SLC26A5: variants seen among roughly 807,000 people sequenced by gnomAD.
SLC26A5 encodes the protein prestin.
Under a neutral mutation model 81.0 loss-of-function variants are expected in SLC26A5, and 51 were observed. The observed-to-expected ratio is 0.63, with a 90% CI of 0.50 to 0.80. The LOEUF is 0.80. SLC26A5 is among the 30% of genes least tolerant of loss of function. The pLI is 0.00. For synonymous variants in SLC26A5, 325 were observed against 332.8 expected (o/e 0.98, Z 0.25); for missense variants, 771 against 905.8 (o/e 0.85, Z 1.91).
intron 14 of SLC26A5, among the ~76,000 whole-genome samples, chr7:103,386,941 T>G (rs909094552): frequency 6.6e-6 from 1 of 152,044 alleles, no homozygotes; most frequent in Non-Finnish European, 1.5e-5. Context: ...TTTGTAATTT[T>G]AGTAGAGATG....
intron 2 of SLC26A5, among the ~76,000 whole-genome samples, chr7:103,434,479 G>A (rs576756160): frequency 1.7e-3 from 260 of 151,978 alleles, no homozygotes; most frequent in African/African-American, 6.0e-3. Context: ...CTCAACTACA[G>A]GAACTTTTTT....
At position 103,376,685 on chromosome 7, in the gene SLC26A5, CAGA is replaced by C. The variant is rs66928926; in HGVS notation, c.2041+120_2041+122del. 0.059 allele frequency: 45,662 copies of C among 779,124 alleles called. 2,881 individuals carry two copies. The highest frequency in any genetic ancestry group is 0.28 in the African/African-American group (15,541 of 56,226). 48.3% of individuals were successfully genotyped at this position (779,124 alleles called of 1,614,324 possible). A position where few individuals can be genotyped will look rare whatever the true frequency, so the allele number is the denominator to read the frequency against. ...CAAAGCTGGCTTTAGAGTGATTTTT[CAGA>C]AGAACAATTTTCATTTTTATAAAAT... is the stretch of plus-strand genomic sequence containing the variant. On this transcript the variant is annotated intron_variant, in intron 19 of 19. Transcript: ENST00000306312.
In SLC26A5 at chr7:103,421,538, C is replaced by G. The variant is rs368278768; in HGVS notation, c.-24G>C. 6.2e-7 allele frequency: 1 copy of G among 1,613,060 alleles called. No individual in the cohort carries two copies. Among genetic ancestry groups the G allele is most frequent in the Non-Finnish European group, 8.5e-7 (1 of 1,179,508 alleles). On this transcript the variant is annotated 5_prime_UTR_variant, in exon 3 of 20. Coordinates refer to ENST00000306312, the MANE Select transcript of SLC26A5 (RefSeq NM_198999.3). ...ATAGTACTCTGAAATTATTCCTTAACAGCCGGAGACAAGCATTTCCTGAGT... is the reference window on the plus strand; with the variant it reads ...ATAGTACTCTGAAATTATTCCTTAAGAGCCGGAGACAAGCATTTCCTGAGT...
At chr7:103,405,534 G>C (rs932242118) in intron 8 of SLC26A5, among the ~76,000 whole-genome samples, 1 of 152,172 alleles carries the variant, frequency 6.6e-6, no homozygotes, top group African/African-American at 2.4e-5. Context: ...AGCAATGATT[G>C]CTACCTGTTC....
intron 2 of SLC26A5, among the ~76,000 whole-genome samples, chr7:103,424,101 C>T (rs189866120): frequency 1.3e-5 from 2 of 152,284 alleles, no homozygotes; most frequent in East Asian, 3.9e-4. Flanking sequence ...ACATACCATG[C>T]TGCTTTAAGC....
chr7:103,419,713 T>G (rs1051141270), intron 4 of SLC26A5, among the ~76,000 whole-genome samples: 3 of 152,062 alleles, frequency 2.0e-5, no homozygotes, highest in African/African-American at 7.2e-5. Context: ...AATTTTTATA[T>G]TTTTTGTAGA....
At chr7:103,365,039 G>C (rs1006470558) in intron 19 of SLC26A5, among the ~76,000 whole-genome samples, 2 of 146,134 alleles carry the variant, frequency 1.4e-5, no homozygotes, top group Non-Finnish European at 3.0e-5. Context: ...TTGATGATTC[G>C]TATATTTACA....
rs563010277 is a variant in SLC26A5, at chr7:103,359,190, G to T, written c.2042-6264C>A. The stretch of plus-strand genomic sequence containing the variant: ...TTTTTTAATTTTTAGTAGAGACAGG[G>T]TCTTGCCATGTTGCCTGGGCTGCTC... On this transcript the variant is annotated intron_variant, in intron 19 of 19. Coordinates refer to the SLC26A5 transcript ENST00000339444. 1.7e-3 allele frequency among the ~76,000 whole-genome samples: 222 copies of T among 130,950 alleles called. 2 individuals are homozygous for T. The highest frequency in any genetic ancestry group is 2.8e-3 in the Non-Finnish European group (183 of 64,282). 85.9% of individuals were successfully genotyped at this position (130,950 alleles called of 152,430 possible).
intron 15 of SLC26A5, 70 bp downstream of exon 15, chr7:103,380,410 G>T: frequency 7.6e-7 from 1 of 1,310,358 alleles, no homozygotes; most frequent in Non-Finnish European, 1.1e-6. Context: ...TTTTATCCTG[G>T]GTAAAAACAG....
chr7:103,360,841 A>C (rs937553231), intron 19 of SLC26A5, among the ~76,000 whole-genome samples: 1 of 152,184 alleles, frequency 6.6e-6, no homozygotes, highest in Admixed American at 6.5e-5. Flanking sequence ...GCCGGGTGCA[A>C]TGGCTCACGC....
chr7:103,362,791 T>C (rs1563493385), intron 19 of SLC26A5: 2 of 1,400,282 alleles, frequency 1.4e-6, no homozygotes, highest in Admixed American at 1.9e-5. Context: ...AGGAAGGCTA[T>C]GTCTTTTTTT....
chr7:103,403,941 G>C (rs975292588), intron 8 of SLC26A5, among the ~76,000 whole-genome samples: 4 of 152,078 alleles, frequency 2.6e-5, no homozygotes, highest in African/African-American at 9.7e-5. Context: ...CCAGCACTTT[G>C]GGAGGCTAAG....
At chr7:103,390,932 C>T (rs1822593205) in intron 11 of SLC26A5, among the ~76,000 whole-genome samples, 4 of 151,418 alleles carry the variant, frequency 2.6e-5, no homozygotes, top group Admixed American at 2.6e-4. Flanking sequence ...GTGGCGCGAC[C>T]CTGGCTCACT....
At chr7:103,362,130 G>A (rs1349996626) in intron 19 of SLC26A5, 2 of 1,607,714 alleles carry the variant, frequency 1.2e-6, no homozygotes, top group Admixed American at 1.7e-5. Context: ...TTTCACTAAG[G>A]ATACTGTCTC....
At chr7:103,377,531 C>G in intron 18 of SLC26A5, 68 bp downstream of exon 18, 1 of 1,429,870 alleles carries the variant, frequency 7.0e-7, no homozygotes, top group Middle Eastern at 1.8e-4. Flanking sequence ...AGCCCACCTC[C>G]CTGATTATGC....
chr7:103,412,970 A>G, intron 5 of SLC26A5, 32 bp downstream of exon 5: 1 of 1,407,146 alleles, frequency 7.1e-7, no homozygotes, highest in Non-Finnish European at 1.0e-6. Flanking sequence ...TACACAAGGA[A>G]AGGTAATAGA....
downstream of SLC26A5, among the ~76,000 whole-genome samples, chr7:103,371,432 C>A (rs1317085426): frequency 4.0e-5 from 6 of 150,698 alleles, 1 homozygote; most frequent in South Asian, 8.3e-4. Context: ...TCACGCCATT[C>A]TCCTGCCTCA....
At chr7:103,392,156 C>T (rs10155812) in intron 10 of SLC26A5, among the ~76,000 whole-genome samples, 10,151 of 152,206 alleles carry the variant, frequency 0.067, 1,118 homozygotes, top group African/African-American at 0.23. Flanking sequence ...GCAAGTGAGT[C>T]CTGCTCTTAG....
In SLC26A5 at chr7:103,397,903, C is replaced by A. The variant is rs201017021; in HGVS notation, c.971+29G>T. 277 of 1,497,722 alleles carry A rather than the reference C, an allele frequency of 1.8e-4. No individual in the cohort carries two copies. The African/African-American group carries it at 3.3e-3, about 18-fold the overall frequency. The allele number at this position is 1,497,722 out of a possible 1,614,324, so 92.8% of individuals were successfully genotyped here. ...CAATAGATCCATTGATTATTTCAGT[C>A]ACACAGTTACTTAAAACCACTTTCC... On this transcript the variant is annotated intron_variant, in intron 9 of 19. Coordinates refer to ENST00000306312, the MANE Select transcript of SLC26A5 (RefSeq NM_198999.3).
Sources: gnomAD v4.1 joint callset for allele counts (sites outside exome capture counted in the v4.1 genomes callset) on GRCh38, gnomAD v4.1.1 for gene constraint, MANE v1.5 for transcripts, NCBI Gene and HGNC (gene_info 2026-07-23, HGNC 2026-07-21) for gene names.